Variants in CELF2 observed in about 807,000 individuals in gnomAD.
The protein encoded by CELF2 is CUGBP Elav-like family member 2.
CELF2 carries 8 observed loss-of-function variants against 62.6 expected under a neutral mutation model. That is an observed-to-expected ratio of 0.13 (90% CI 0.07 to 0.23). The LOEUF (loss-of-function observed/expected upper bound fraction) is 0.23, where lower values mean the gene tolerates loss of function less well. CELF2 is among the 10% of genes least tolerant of loss of function. CELF2 has a pLI of 1.00. For synonymous variants in CELF2, 258 were observed against 250.0 expected (o/e 1.03, Z -0.30); for missense variants, 333 against 671.0 (o/e 0.50, Z 5.56).
chr10:10,502,706 T>TA, the CELF2 span, among the ~76,000 whole-genome samples: 1 of 151,972 alleles, frequency 6.6e-6, no homozygotes. Context: ...TATTGATTTT[T>TA]AAAAAATAGC....
chr10:10,814,133 T>TC (rs2056208534), intron 1 of CELF2, among the ~76,000 whole-genome samples: 1 of 141,500 alleles, frequency 7.1e-6, no homozygotes, highest in Non-Finnish European at 1.5e-5. Flanking sequence ...CATCCTTCCA[T>TC]AGCAGGCACT....
At chr10:10,785,831 AT>A in the CELF2 span, among the ~76,000 whole-genome samples, 2 of 152,156 alleles carry the variant, frequency 1.3e-5, no homozygotes, top group African/African-American at 4.8e-5. Flanking sequence ...TATATAGTAA[AT>A]GTATTCAATG....
At chr10:11,137,453 A>G (rs910930173) in intron 1 of CELF2, among the ~76,000 whole-genome samples, 3 of 152,170 alleles carry the variant, frequency 2.0e-5, no homozygotes, top group Non-Finnish European at 4.4e-5. Context: ...TTAGAGTCAG[A>G]TGGTTTTGTG....
At position 10,931,950 on chromosome 10, in the gene CELF2, A is replaced by T. The variant is rs547231107; in HGVS notation, c.89+11951A>T. 6.6e-6 allele frequency among the ~76,000 whole-genome samples: 1 copy of T among 152,078 alleles called. No individual in the cohort carries two copies. The highest frequency in any genetic ancestry group is 1.5e-5 in the Non-Finnish European group (1 of 68,022). On this transcript the variant is annotated intron_variant, in intron 2 of 13. Transcript: ENST00000636488. The surrounding 1 kb of genome is among the most constrained non-coding windows in gnomAD (Gnocchi z 6.1). ...TGTGCAGGGGAACTGCCCTTTATAA[A>T]ACCATCACATCTCATGAGTCTTATT... is the stretch of plus-strand genomic sequence containing the variant.
chr10:11,064,779 C>A (rs950569352), intron 1 of CELF2, among the ~76,000 whole-genome samples: 1 of 152,146 alleles, frequency 6.6e-6, no homozygotes, highest in Admixed American at 6.5e-5. Context: ...AATAACAGTT[C>A]ATTCATGAGA....
chr10:10,779,573 C>G, the CELF2 span, among the ~76,000 whole-genome samples: 2 of 152,154 alleles, frequency 1.3e-5, no homozygotes, highest in Non-Finnish European at 2.9e-5. Context: ...AGCTATTGAG[C>G]ATTAGCCCTA....
chr10:10,769,696 G>A, the CELF2 span, among the ~76,000 whole-genome samples: 11 of 151,972 alleles, frequency 7.2e-5, no homozygotes, highest in Admixed American at 5.9e-4. Flanking sequence ...CCCAGGAGGC[G>A]GAGGTTGCAG....
chr10:10,601,920 T>C, the CELF2 span, among the ~76,000 whole-genome samples: 2 of 151,596 alleles, frequency 1.3e-5, no homozygotes, highest in South Asian at 2.1e-4. Context: ...CCCCAGTGTG[T>C]GTTATTCCCC....
chr10:10,489,887 A>G, the CELF2 span, among the ~76,000 whole-genome samples: 6 of 151,006 alleles, frequency 4.0e-5, no homozygotes, highest in African/African-American at 1.5e-4. Context: ...TTAAGAATCT[A>G]TGTGAGTACA....
At chr10:10,585,219 A>G in the CELF2 span, among the ~76,000 whole-genome samples, 1 of 152,214 alleles carries the variant, frequency 6.6e-6, no homozygotes, top group East Asian at 1.9e-4. Context: ...CCCAAAACTC[A>G]TCCATTGTCT....
At chr10:10,797,044 A>G (rs2054179991), upstream of CELF2, 1 of 258,636 alleles carries the variant, frequency 3.9e-6, no homozygotes. Context: ...GTTAAGATCC[A>G]CGGGTCCATG....
At chr10:10,822,620 G>T (rs1252298226) in intron 1 of CELF2, among the ~76,000 whole-genome samples, 2 of 152,184 alleles carry the variant, frequency 1.3e-5, no homozygotes, top group Non-Finnish European at 2.9e-5. Flanking sequence ...CTTTTTAAGC[G>T]ATTAACTACC....
intron 1 of CELF2, among the ~76,000 whole-genome samples, chr10:11,061,695 C>A (rs1327427964): frequency 6.6e-6 from 1 of 152,198 alleles, no homozygotes; most frequent in Admixed American, 6.5e-5. Context: ...ATTTACTACT[C>A]CAAAAATCCT....
At position 10,883,024 on chromosome 10, in the gene CELF2, T is replaced by C. The variant is rs550415457; in HGVS notation, c.54-36940T>C. On this transcript the variant is annotated intron_variant, in intron 1 of 13. Transcript: ENST00000636488. ...GTCTCTTGAAATGTCAGTTCCACAC[T>C]TATTAATTAAGATAAGGTAGCACCA... Among the ~76,000 whole-genome samples, 6 of 152,366 alleles carry C rather than the reference T, an allele frequency of 3.9e-5. No homozygotes were observed. In the South Asian group the frequency reaches 8.3e-4, roughly 21 times the overall value.
At chr10:11,221,729 T>A (rs2064937102) in intron 3 of CELF2, among the ~76,000 whole-genome samples, 1 of 152,244 alleles carries the variant, frequency 6.6e-6, no homozygotes, top group African/African-American at 2.4e-5. Flanking sequence ...AAATATTAAT[T>A]GCAAATTTCT....
the CELF2 span, among the ~76,000 whole-genome samples, chr10:10,634,483 A>G: frequency 1.3e-5 from 2 of 152,108 alleles, no homozygotes; most frequent in Non-Finnish European, 2.9e-5. Flanking sequence ...AGCTGCAGAT[A>G]TGCCTTTATC....
the CELF2 span, among the ~76,000 whole-genome samples, chr10:10,614,593 G>A: frequency 2.6e-5 from 4 of 152,096 alleles, no homozygotes; most frequent in East Asian, 1.9e-4. Flanking sequence ...CCAGGAACTC[G>A]GCAAGAGAGA....
intron 1 of CELF2, among the ~76,000 whole-genome samples, chr10:11,007,802 T>A (rs201117): frequency 0.26 from 39,558 of 152,122 alleles, 9,970 homozygotes; most frequent in African/African-American, 0.66. Flanking sequence ...GCTCCCTAGC[T>A]GCTTGTCCGT....
chr10:10,574,132 T>A, the CELF2 span, among the ~76,000 whole-genome samples: 2 of 152,102 alleles, frequency 1.3e-5, no homozygotes, highest in Admixed American at 1.3e-4. Context: ...TAGAATCCAC[T>A]CTCTTAAATA....
Sources: gnomAD v4.1 joint callset for allele counts (sites outside exome capture counted in the v4.1 genomes callset) on GRCh38, gnomAD v4.1.1 for gene constraint, Gnocchi (gnomAD v3.1) non-coding constraint, MANE v1.5 for transcripts, NCBI Gene and HGNC (gene_info 2026-07-23, HGNC 2026-07-21) for gene names.